Variants in SVIL observed in about 807,000 individuals in gnomAD.
The protein encoded by SVIL is archvillin.
Under a neutral mutation model 240.4 loss-of-function variants are expected in SVIL, and 101 were observed. The observed-to-expected ratio is 0.42, with a 90% CI of 0.36 to 0.50. The LOEUF is 0.50. SVIL is among the 20% of genes least tolerant of loss of function. SVIL has a pLI of 0.01. For missense variants in SVIL, 2,512 were observed against 2,818.7 expected (o/e 0.89, Z 2.46); for synonymous variants, 999 against 1,100.0 (o/e 0.91, Z 1.82).
At chr10:29,606,763 T>C (rs1957039273) in intron 1 of SVIL, among the ~76,000 whole-genome samples, 1 of 152,188 alleles carries the variant, frequency 6.6e-6, no homozygotes, top group South Asian at 2.1e-4. Context: ...ATTTTTTTAT[T>C]TGTTTATTTG....
chr10:29,689,082 A>C (rs542120988), intron 1 of SVIL, among the ~76,000 whole-genome samples: 1 of 152,362 alleles, frequency 6.6e-6, no homozygotes, highest in East Asian at 1.9e-4. Flanking sequence ...GGAATTATGC[A>C]AACAGTGATA....
At chr10:29,576,886 T>C (rs1735203579) in intron 1 of SVIL, among the ~76,000 whole-genome samples, 1 of 152,134 alleles carries the variant, frequency 6.6e-6, no homozygotes, top group South Asian at 2.1e-4. Flanking sequence ...GCAAATGATT[T>C]TTTTTTGTTT....
chr10:29,672,908 T>C (rs1010583024), intron 2 of SVIL, among the ~76,000 whole-genome samples: 14 of 152,054 alleles, frequency 9.2e-5, no homozygotes, highest in African/African-American at 3.4e-4. Flanking sequence ...AGTTTTTGTT[T>C]TGTTTTGTTG....
At chr10:29,541,159 T>G (rs1952123231) in intron 6 of SVIL, among the ~76,000 whole-genome samples, 1 of 152,252 alleles carries the variant, frequency 6.6e-6, no homozygotes, top group African/African-American at 2.4e-5. Context: ...TGACATTATT[T>G]CATGAAGTCT....
chr10:29,531,530 C>T (rs1362053433), intron 9 of SVIL, among the ~76,000 whole-genome samples: 1 of 152,238 alleles, frequency 6.6e-6, no homozygotes. Context: ...ACAAGAACAA[C>T]TTGTTAAACA....
Position 29,524,722 on chromosome 10 carries a change from A to C in SVIL, c.2343-7T>G. The C allele has an allele frequency of 6.2e-7, 1 of 1,613,002 alleles. No homozygotes were observed. The highest frequency in any genetic ancestry group is 8.5e-7 in the Non-Finnish European group (1 of 1,179,260). On this transcript the variant is annotated splice_region_variant and splice_polypyrimidine_tract_variant and intron_variant, in intron 13 of 37. Coordinates refer to ENST00000355867, the MANE Select transcript of SVIL (RefSeq NM_021738.3). ...GTGAGCAGAGGCCTGCAATCTGAAA[A>C]AAATAAAATGTCAGCAACACATATA...
intron 1 of SVIL, among the ~76,000 whole-genome samples, chr10:29,693,319 T>C (rs571836472): frequency 1.2e-5 from 1 of 81,410 alleles, no homozygotes; most frequent in African/African-American, 4.8e-5. Flanking sequence ...GGATGGGGGG[T>C]GGGGGAGAGG....
chr10:29,462,933 A>C (rs1944434446), intron 35 of SVIL, among the ~76,000 whole-genome samples: 1 of 128,274 alleles, frequency 7.8e-6, no homozygotes, highest in African/African-American at 2.8e-5. Flanking sequence ...AAATTAAATA[A>C]GATTAATTAC....
intron 1 of SVIL, among the ~76,000 whole-genome samples, chr10:29,624,854 A>G (rs1320432853): frequency 2.0e-5 from 3 of 152,242 alleles, no homozygotes; most frequent in African/African-American, 7.2e-5. Context: ...GTGGAGAGCT[A>G]CTGAATAAAT....
chr10:29,529,629 C>A, intron 12 of SVIL, 76 bp downstream of exon 12: 1 of 1,464,932 alleles, frequency 6.8e-7, no homozygotes, highest in Non-Finnish European at 9.0e-7. Flanking sequence ...GCCTCATTTT[C>A]ATTGAACACT....
chr10:29,590,304 A>T (rs149690783), intron 1 of SVIL, among the ~76,000 whole-genome samples: 1 of 152,030 alleles, frequency 6.6e-6, no homozygotes, highest in Non-Finnish European at 1.5e-5. Flanking sequence ...AGGCTGCCCA[A>T]CAGGTTCCCA....
At chr10:29,673,074 C>A (rs539090812) in intron 2 of SVIL, among the ~76,000 whole-genome samples, 1 of 152,086 alleles carries the variant, frequency 6.6e-6, no homozygotes, top group Non-Finnish European at 1.5e-5. Context: ...CCGCCACACC[C>A]AGCTAATTTT....
chr10:29,728,892 CCTAAGA>C (rs1964442160), intron 1 of SVIL, among the ~76,000 whole-genome samples: 1 of 152,056 alleles, frequency 6.6e-6, no homozygotes, highest in Non-Finnish European at 1.5e-5. Context: ...CAAATGTGTC[CCTAAGA>C]CACTTGAAAC....
chr10:29,579,707 A>G (rs1412179272), intron 1 of SVIL, among the ~76,000 whole-genome samples: 2 of 152,232 alleles, frequency 1.3e-5, no homozygotes, highest in Admixed American at 1.3e-4. Flanking sequence ...CTGATGACAC[A>G]CAAGCACCCC....
chr10:29,592,347 T>C (rs1956423107), intron 1 of SVIL, among the ~76,000 whole-genome samples: 1 of 152,242 alleles, frequency 6.6e-6, no homozygotes, highest in African/African-American at 2.4e-5. Flanking sequence ...TTTTCCAACA[T>C]GTTACCTATT....
chr10:29,518,807 G>A (rs1033326093), intron 16 of SVIL, among the ~76,000 whole-genome samples: 1 of 152,198 alleles, frequency 6.6e-6, no homozygotes, highest in Admixed American at 6.5e-5. Context: ...AGTGAGCCGC[G>A]ATCGTGCCTC....
chr10:29,682,306 C>A (rs55727638), intron 2 of SVIL, among the ~76,000 whole-genome samples: 1 of 152,084 alleles, frequency 6.6e-6, no homozygotes, highest in Non-Finnish European at 1.5e-5. Context: ...GCAGCTGCTG[C>A]GTCAGCCCAA....
At chr10:29,467,091 T>G (rs1466126057) in intron 33 of SVIL, 2 of 152,282 alleles carry the variant, frequency 1.3e-5, no homozygotes, top group African/African-American at 2.4e-5. Flanking sequence ...TCTGGCTTAC[T>G]GGAACTGCTT....
At chr10:29,646,212 C>A (rs544403916) in intron 3 of SVIL, among the ~76,000 whole-genome samples, 2 of 152,286 alleles carry the variant, frequency 1.3e-5, no homozygotes, top group African/African-American at 2.4e-5. Context: ...CTCACAGACA[C>A]CCCCCTGCCC....
Sources: allele counts gnomAD v4.1 joint callset (sites outside exome capture counted in the v4.1 genomes callset), GRCh38; gene constraint gnomAD v4.1.1; transcripts MANE v1.5; gene names NCBI Gene and HGNC (gene_info 2026-07-23, HGNC 2026-07-21).